The following ADGRL3 variants were observed in gnomAD, a reference collection of about 807,000 sequenced individuals.
ADGRL3 encodes the protein calcium-independent alpha-latrotoxin receptor 3.
A neutral mutation model predicts 153.5 loss-of-function variants in ADGRL3; 62 were observed. That is an observed-to-expected ratio of 0.40 (90% CI 0.33 to 0.50). ADGRL3 has a LOEUF of 0.50. Among genes scored for constraint, ADGRL3 ranks in the 20% least tolerant of loss-of-function variants. ADGRL3 has a pLI of 0.47. For synonymous variants in ADGRL3, 710 were observed against 672.5 expected (o/e 1.06, Z -0.86); for missense variants, 1,641 against 1,859.4 (o/e 0.88, Z 2.16).
chr4:61,488,458 T>C (rs1300111202), intron 2 of ADGRL3, among the ~76,000 whole-genome samples: 1 of 151,948 alleles, frequency 6.6e-6, no homozygotes, highest in African/African-American at 2.4e-5. Flanking sequence ...TGAAGATAAA[T>C]AAGTCTTCCT....
intron 21 of ADGRL3, among the ~76,000 whole-genome samples, chr4:62,012,458 C>A (rs1240255532): frequency 6.6e-6 from 1 of 152,100 alleles, no homozygotes; most frequent in Admixed American, 6.5e-5. Context: ...TGCAATAATC[C>A]TTTGAGGTTT....
chr4:61,973,348 G>A (rs187763097), intron 17 of ADGRL3, among the ~76,000 whole-genome samples: 26 of 152,016 alleles, frequency 1.7e-4, no homozygotes, highest in South Asian at 4.2e-4. Flanking sequence ...TGTGTAAGCC[G>A]TCCTTTCCTC....
At chr4:61,840,085 C>T (rs1260146854) in intron 9 of ADGRL3, among the ~76,000 whole-genome samples, 4 of 151,472 alleles carry the variant, frequency 2.6e-5, no homozygotes, top group Non-Finnish European at 5.9e-5. Flanking sequence ...TATTTATTTA[C>T]TTTTATTTTT....
intron 2 of ADGRL3, among the ~76,000 whole-genome samples, chr4:61,409,048 C>G (rs1254259407): frequency 6.6e-6 from 1 of 151,164 alleles, no homozygotes; most frequent in Admixed American, 6.6e-5. Context: ...ACAATACTTG[C>G]ATATTCTGCC....
chr4:61,565,519 A>G (rs2098812793), intron 4 of ADGRL3, among the ~76,000 whole-genome samples: 1 of 152,078 alleles, frequency 6.6e-6, no homozygotes, highest in South Asian at 2.1e-4. Context: ...GATCTCTTCA[A>G]TATACTTGGA....
chr4:61,475,205 C>T (rs563542352), intron 2 of ADGRL3, among the ~76,000 whole-genome samples: 116 of 152,146 alleles, frequency 7.6e-4, no homozygotes, highest in African/African-American at 2.6e-3. Flanking sequence ...TATCACATGC[C>T]GTAAGATGTC....
chr4:61,701,602 T>C (rs2095761409), intron 6 of ADGRL3, among the ~76,000 whole-genome samples: 1 of 151,648 alleles, frequency 6.6e-6, no homozygotes, highest in African/African-American at 2.4e-5. Context: ...CTGGCTAATT[T>C]TTTGTATTTT....
rs758669801 is a variant in ADGRL3 at position 61,639,568 on chromosome 4, T to C, written c.474-37258T>C. On this transcript the variant is annotated intron_variant, in intron 5 of 26. Coordinates refer to ENST00000683033, the MANE Select transcript of ADGRL3 (RefSeq NM_001387552.1). Reference sequence around the variant, plus strand: ...TATAAATTAAAATCTCTCTGGAAAATAGGTTTATTATCCAAAATAATACTG... The same window carrying C: ...TATAAATTAAAATCTCTCTGGAAAACAGGTTTATTATCCAAAATAATACTG... 6.6e-5 allele frequency among the ~76,000 whole-genome samples: 10 copies of C among 152,172 alleles called. No individual in the cohort carries two copies. The South Asian group carries it at 1.7e-3, about 25-fold the overall frequency.
intron 1 of ADGRL3, among the ~76,000 whole-genome samples, chr4:61,382,780 C>G (rs1482144335): frequency 6.6e-6 from 1 of 151,732 alleles, no homozygotes; most frequent in Non-Finnish European, 1.5e-5. Context: ...AGTATCTTAG[C>G]TTGAAGAGCC....
chr4:61,846,770 C>G (rs1455497585), intron 9 of ADGRL3, among the ~76,000 whole-genome samples: 1 of 151,650 alleles, frequency 6.6e-6, no homozygotes, highest in African/African-American at 2.4e-5. Context: ...AGGAAACTTA[C>G]AATCATGGCG....
At chr4:61,520,491 C>G (rs1292010296) in intron 4 of ADGRL3, among the ~76,000 whole-genome samples, 1 of 152,112 alleles carries the variant, frequency 6.6e-6, no homozygotes, top group Non-Finnish European at 1.5e-5. Flanking sequence ...TTTTAAAGTT[C>G]ATCTTTTGCA....
chr4:61,450,788 G>A (rs1302806177), intron 2 of ADGRL3, among the ~76,000 whole-genome samples: 1 of 151,934 alleles, frequency 6.6e-6, no homozygotes, highest in Non-Finnish European at 1.5e-5. Context: ...TCTATGAACA[G>A]CCATAATAAG....
Position 61,372,814 on chromosome 4 carries a change from G to A in ADGRL3, c.-239-10310G>A, listed in dbSNP as rs113110802. 7.4e-3 allele frequency among the ~76,000 whole-genome samples: 1,122 copies of A among 152,242 alleles called. 20 individuals are homozygous for A. The highest frequency in any genetic ancestry group is 0.025 in the African/African-American group (1,030 of 41,564). ...TAAGCAAGCCTGGGCAATGGCGGGCGCCCCTCCCCCAGTCTCGCTGCCGCC... is the reference window on the plus strand; with the variant it reads ...TAAGCAAGCCTGGGCAATGGCGGGCACCCCTCCCCCAGTCTCGCTGCCGCC... On this transcript the variant is annotated intron_variant, in intron 1 of 26. Coordinates refer to ENST00000683033, the MANE Select transcript of ADGRL3 (RefSeq NM_001387552.1).
chr4:61,697,640 A>C (rs1054466696), intron 6 of ADGRL3, among the ~76,000 whole-genome samples: 1 of 152,156 alleles, frequency 6.6e-6, no homozygotes, highest in Non-Finnish European at 1.5e-5. Context: ...AATAGGCCTC[A>C]ATAAAGCTTT....
At chr4:61,364,676 C>T (rs1002886233) in intron 1 of ADGRL3, among the ~76,000 whole-genome samples, 13 of 152,042 alleles carry the variant, frequency 8.6e-5, no homozygotes, top group Admixed American at 1.3e-4. Flanking sequence ...GCCATTAACA[C>T]GGACAGAGAA....
chr4:61,986,841 G>A (rs780858381), intron 19 of ADGRL3, among the ~76,000 whole-genome samples: 1 of 152,056 alleles, frequency 6.6e-6, no homozygotes, highest in Non-Finnish European at 1.5e-5. Context: ...CTACTTTTTC[G>A]GAATTCATGC....
At chr4:61,441,193 C>G (rs997581431) in intron 2 of ADGRL3, among the ~76,000 whole-genome samples, 1 of 152,094 alleles carries the variant, frequency 6.6e-6, no homozygotes, top group African/African-American at 2.4e-5. Context: ...TGACCAGTTC[C>G]TCTGCCTGAA....
At chr4:61,841,187 A>G (rs890563217) in intron 9 of ADGRL3, among the ~76,000 whole-genome samples, 1 of 152,218 alleles carries the variant, frequency 6.6e-6, no homozygotes, top group African/African-American at 2.4e-5. Flanking sequence ...TGCAAAAATA[A>G]AAGCAACAAT....
intron 4 of ADGRL3, among the ~76,000 whole-genome samples, chr4:61,582,138 C>G (rs1362865412): frequency 6.6e-6 from 1 of 151,916 alleles, no homozygotes; most frequent in Non-Finnish European, 1.5e-5. Flanking sequence ...ATTTTCATCT[C>G]TGCTATATGG....
Sources: gnomAD v4.1 joint callset for allele counts (sites outside exome capture counted in the v4.1 genomes callset) on GRCh38, gnomAD v4.1.1 for gene constraint, MANE v1.5 for transcripts, NCBI Gene and HGNC (gene_info 2026-07-23, HGNC 2026-07-21) for gene names.